Variants in HTT-AS observed in about 807,000 individuals in gnomAD.
HTT-AS encodes HTT antisense RNA.
chr4:3,067,051 T>A (rs1382995372), intron 1 of HTT-AS, among the ~76,000 whole-genome samples: 1 of 152,226 alleles, frequency 6.6e-6, no homozygotes, highest in Non-Finnish European at 1.5e-5. Flanking sequence ...GACAACAGCA[T>A]ACTTTAGAGT....
intron 2 of HTT-AS, among the ~76,000 whole-genome samples, chr4:3,059,430 C>G (rs1198682367): frequency 1.3e-5 from 2 of 151,812 alleles, no homozygotes; most frequent in Admixed American, 1.3e-4. Context: ...CTGTTCAATT[C>G]AATTTGTTGG....
chr4:3,070,294 CTTT>C (rs113541600), intron 1 of HTT-AS: 3 of 144,538 alleles, frequency 2.1e-5, no homozygotes, highest in South Asian at 2.2e-4. Context: ...CTCTCTCGCT[CTTT>C]TTTTTTTTTT....
intron 2 of HTT-AS, among the ~76,000 whole-genome samples, chr4:3,056,668 C>A (rs1185278360): frequency 6.6e-6 from 1 of 152,188 alleles, no homozygotes; most frequent in Non-Finnish European, 1.5e-5. Flanking sequence ...TGCCCTGTTG[C>A]AGTTTTCACC....
chr4:3,066,389 C>T (rs745885662), intron 1 of HTT-AS, among the ~76,000 whole-genome samples: 14 of 152,112 alleles, frequency 9.2e-5, no homozygotes, highest in African/African-American at 2.9e-4. Flanking sequence ...AGGATGGTCT[C>T]GATCTCTTGA....
intron 1 of HTT-AS, among the ~76,000 whole-genome samples, chr4:3,071,544 C>T: frequency 6.6e-6 from 1 of 152,108 alleles, no homozygotes; most frequent in East Asian, 1.9e-4. Flanking sequence ...AGCTAAGAGG[C>T]AAACTGCTTA....
intron 2 of HTT-AS, among the ~76,000 whole-genome samples, chr4:3,051,615 C>CCT (rs370888023): frequency 2.0e-5 from 3 of 150,170 alleles, no homozygotes; most frequent in South Asian, 2.1e-4. Flanking sequence ...AGATTTCTGA[C>CCT]CTCTCTCTCT....
intron 1 of HTT-AS, among the ~76,000 whole-genome samples, chr4:3,068,364 AGCAACTGCC>A (rs1712095804): frequency 6.6e-6 from 1 of 151,660 alleles, no homozygotes; most frequent in African/African-American, 2.4e-5. Context: ...CCTGAAAGGA[AGCAACTGCC>A]GCCTTTGATT....
At chr4:3,068,044 G>A (rs1036743542) in intron 1 of HTT-AS, among the ~76,000 whole-genome samples, 13 of 152,110 alleles carry the variant, frequency 8.5e-5, no homozygotes, top group African/African-American at 3.1e-4. Flanking sequence ...GGTGGCTCAG[G>A]CCTGTAATCC....
At chr4:3,073,814 G>T (rs115117610) in intron 1 of HTT-AS, among the ~76,000 whole-genome samples, 4,962 of 152,082 alleles carry the variant, frequency 0.033, 266 homozygotes, top group African/African-American at 0.11. Flanking sequence ...CCCTCTCCCC[G>T]TGCAGAGAGC....
downstream of HTT-AS, among the ~76,000 whole-genome samples, chr4:3,047,297 C>T (rs569045452): frequency 1.2e-4 from 18 of 151,894 alleles, 2 homozygotes; most frequent in South Asian, 1.7e-3. Flanking sequence ...GGTGACAGAG[C>T]GAGACTCTGT....
At chr4:3,058,717 TTTC>T (rs1711856511) in intron 2 of HTT-AS, among the ~76,000 whole-genome samples, 1 of 120,702 alleles carries the variant, frequency 8.3e-6, no homozygotes, top group African/African-American at 2.8e-5. Context: ...TCATTTTACA[TTTC>T]TTTTTTTTTT....
intron 1 of HTT-AS, among the ~76,000 whole-genome samples, chr4:3,063,859 G>C (rs1711991157): frequency 6.6e-6 from 1 of 152,058 alleles, no homozygotes; most frequent in African/African-American, 2.4e-5. Context: ...TTTATGGAGG[G>C]GATGGTGGTG....
intron 1 of HTT-AS, among the ~76,000 whole-genome samples, chr4:3,072,725 G>A (rs1335601273): frequency 1.3e-5 from 2 of 152,174 alleles, no homozygotes; most frequent in Non-Finnish European, 1.5e-5. Flanking sequence ...CCACCTCCCA[G>A]GTTCAAGCAA....
chr4:3,074,545 G>T, upstream of HTT-AS: 2 of 323,762 alleles, frequency 6.2e-6, no homozygotes, highest in Non-Finnish European at 5.4e-6. Flanking sequence ...GGGCAGGGGC[G>T]GGCTGGTTCC....
intron 2 of HTT-AS, among the ~76,000 whole-genome samples, chr4:3,051,522 A>C (rs1241024370): frequency 6.6e-6 from 1 of 152,008 alleles, no homozygotes; most frequent in Non-Finnish European, 1.5e-5. Context: ...TATGATGTGG[A>C]GAGCTGGGTC....
chr4:3,069,200 TTGTGG>T (rs1712115880), intron 1 of HTT-AS, among the ~76,000 whole-genome samples: 1 of 151,180 alleles, frequency 6.6e-6, no homozygotes, highest in African/African-American at 2.4e-5. Context: ...GGCTGGAGTG[TTGTGG>T]TGTGATCTTG....
At chr4:3,073,685 T>C (rs1712261633) in intron 1 of HTT-AS, among the ~76,000 whole-genome samples, 1 of 152,116 alleles carries the variant, frequency 6.6e-6, no homozygotes, top group South Asian at 2.1e-4. Context: ...GCCAGGCCTG[T>C]GGACACCGCC....
exon 2 of HTT-AS, among the ~76,000 whole-genome samples, chr4:3,063,011 A>T (rs1433964968): frequency 6.6e-6 from 1 of 152,106 alleles, no homozygotes; most frequent in Admixed American, 6.5e-5. Context: ...TCCCCAGGCC[A>T]GGGGAGGGGT....
intron 2 of HTT-AS, among the ~76,000 whole-genome samples, chr4:3,053,939 T>C (rs1482006831): frequency 6.6e-6 from 1 of 151,986 alleles, no homozygotes; most frequent in African/African-American, 2.4e-5. Context: ...TTTGTATTTT[T>C]AGTAGAGATG....
Sources: allele counts gnomAD v4.1 joint callset (sites outside exome capture counted in the v4.1 genomes callset), GRCh38; gene constraint gnomAD v4.1.1; transcripts MANE v1.5; gene names NCBI Gene and HGNC (gene_info 2026-07-23, HGNC 2026-07-21).